LUZP2: variants seen among roughly 807,000 people sequenced by gnomAD.
LUZP2 encodes leucine zipper protein 2.
Under a neutral mutation model 51.6 loss-of-function variants are expected in LUZP2, and 52 were observed. The observed-to-expected ratio is 1.01, with a 90% CI of 0.81 to 1.27. The LOEUF is 1.27. LUZP2 is among the 50% of genes most tolerant of loss of function. The pLI is 0.00. For synonymous variants in LUZP2, 154 were observed against 137.3 expected, an observed-to-expected ratio of 1.12 and a Z score of -0.85; for missense variants, 436 against 395.4, an observed-to-expected ratio of 1.10 and a Z score of -0.87.
intron 1 of LUZP2, among the ~76,000 whole-genome samples, chr11:24,533,401 C>T (rs1339791590): frequency 1.3e-5 from 2 of 151,278 alleles, no homozygotes; most frequent in Non-Finnish European, 3.0e-5. Context: ...TTGATATTTT[C>T]ATATTCATTT....
At chr11:24,560,451 A>G (rs1193764546) in intron 1 of LUZP2, among the ~76,000 whole-genome samples, 1 of 152,180 alleles carries the variant, frequency 6.6e-6, no homozygotes, top group Non-Finnish European at 1.5e-5. Flanking sequence ...CATTAAAAGA[A>G]TAAAGAGGGT....
chr11:24,724,042 A>G (rs1858377844), intron 1 of LUZP2, among the ~76,000 whole-genome samples: 1 of 152,112 alleles, frequency 6.6e-6, no homozygotes, highest in South Asian at 2.1e-4. Flanking sequence ...GAGGAGGGTA[A>G]AGGTAATGAA....
intron 1 of LUZP2, among the ~76,000 whole-genome samples, chr11:24,505,848 A>G (rs1357229741): frequency 2.0e-5 from 3 of 152,098 alleles, no homozygotes; most frequent in African/African-American, 7.2e-5. Flanking sequence ...AGACAGTATT[A>G]CCTGACCTCG....
At chr11:24,706,491 C>A (rs984352355) in intron 1 of LUZP2, among the ~76,000 whole-genome samples, 1 of 152,212 alleles carries the variant, frequency 6.6e-6, no homozygotes, top group East Asian at 1.9e-4. Flanking sequence ...TTTTTCCAAC[C>A]AAATTCTGCA....
chr11:24,762,097 T>TA (rs71041802), intron 4 of LUZP2, among the ~76,000 whole-genome samples: 14 of 150,118 alleles, frequency 9.3e-5, no homozygotes, highest in South Asian at 4.2e-4. Context: ...TTTTACGTAT[T>TA]CTTGTTCTTT....
At chr11:24,526,685 C>T (rs377275289) in intron 1 of LUZP2, among the ~76,000 whole-genome samples, 11 of 151,228 alleles carry the variant, frequency 7.3e-5, no homozygotes, top group African/African-American at 1.9e-4. Context: ...TAAATGCTCA[C>T]GATTAACCTG....
intron 7 of LUZP2, among the ~76,000 whole-genome samples, chr11:24,936,859 G>T (rs1382109274): frequency 6.6e-6 from 1 of 152,042 alleles, no homozygotes; most frequent in Non-Finnish European, 1.5e-5. Context: ...CTCAACTCTT[G>T]TCAAGCTCAT....
chr11:24,659,909 GTTAGA>G (rs1459915636), intron 1 of LUZP2, among the ~76,000 whole-genome samples: 2 of 152,084 alleles, frequency 1.3e-5, no homozygotes, highest in Non-Finnish European at 2.9e-5. Flanking sequence ...ATTAGATTGT[GTTAGA>G]TTAGATTAGA....
rs371852653 is a variant in LUZP2, at chr11:24,965,265, A to G, written c.523-11326A>G. ...CATGTAATTCAAGTTTATGAATTGC[A>G]TACTAGATGTTTGATGAAATTCACC... On this transcript the variant is annotated intron_variant, in intron 7 of 11. Coordinates refer to ENST00000336930, the MANE Select transcript of LUZP2 (RefSeq NM_001009909.4). 1.2e-4 allele frequency among the ~76,000 whole-genome samples: 18 copies of G among 148,218 alleles called. No homozygotes were observed. In the East Asian group the frequency reaches 2.6e-3, roughly 21 times the overall value.
At chr11:24,962,875 T>C (rs1855457720) in intron 7 of LUZP2, among the ~76,000 whole-genome samples, 1 of 152,230 alleles carries the variant, frequency 6.6e-6, no homozygotes, top group Non-Finnish European at 1.5e-5. Flanking sequence ...GCTCTGTTTT[T>C]TCCCCATCTT....
intron 5 of LUZP2, among the ~76,000 whole-genome samples, chr11:24,833,268 A>C (rs150314447): frequency 4.6e-4 from 70 of 152,316 alleles, no homozygotes; most frequent in Non-Finnish European, 8.4e-4. Context: ...AATTTTTCAA[A>C]TTGGAGAACT....
chr11:24,993,762 TG>T (rs1344066482), intron 9 of LUZP2, among the ~76,000 whole-genome samples: 5 of 152,124 alleles, frequency 3.3e-5, no homozygotes, highest in African/African-American at 1.2e-4. Flanking sequence ...TCTTCCATTC[TG>T]GGGGTTGTAT....
intron 5 of LUZP2, among the ~76,000 whole-genome samples, chr11:24,801,148 G>C (rs1178190170): frequency 6.6e-6 from 1 of 152,094 alleles, no homozygotes; most frequent in East Asian, 1.9e-4. Flanking sequence ...GGATCCTGCT[G>C]AATCAACATA....
At chr11:24,998,276 T>C (rs561190763) in intron 9 of LUZP2, among the ~76,000 whole-genome samples, 57 of 152,328 alleles carry the variant, frequency 3.7e-4, no homozygotes, top group African/African-American at 1.3e-3. Context: ...TCCATTTGTT[T>C]GTATCCTCTT....
At chr11:24,753,695 G>A (rs1165038966) in intron 4 of LUZP2, among the ~76,000 whole-genome samples, 1 of 152,158 alleles carries the variant, frequency 6.6e-6, no homozygotes, top group South Asian at 2.1e-4. Flanking sequence ...ACATTTTTAA[G>A]TTCTTGTCCC....
intron 1 of LUZP2, among the ~76,000 whole-genome samples, chr11:24,680,735 AC>A (rs1489835730): frequency 6.6e-6 from 1 of 152,172 alleles, no homozygotes; most frequent in Non-Finnish European, 1.5e-5. Context: ...AATACTACTA[AC>A]AAATTCCTTA....
chr11:24,716,282 A>G (rs1392541533), intron 1 of LUZP2, among the ~76,000 whole-genome samples: 3 of 152,210 alleles, frequency 2.0e-5, no homozygotes, highest in Non-Finnish European at 4.4e-5. Flanking sequence ...GCACTACTCC[A>G]GAGCTTTGAA....
intron 7 of LUZP2, among the ~76,000 whole-genome samples, chr11:24,945,162 G>A (rs1007297638): frequency 5.3e-5 from 8 of 152,024 alleles, no homozygotes; most frequent in African/African-American, 1.9e-4. Flanking sequence ...CAATATAATT[G>A]GATGTCAAAA....
intron 9 of LUZP2, among the ~76,000 whole-genome samples, chr11:24,997,954 G>C (rs1221856632): frequency 6.6e-6 from 1 of 152,092 alleles, no homozygotes; most frequent in African/African-American, 2.4e-5. Context: ...ATTTCTGAGG[G>C]CTCTGTTCTG....
Sources: gnomAD v4.1 joint callset for allele counts (sites outside exome capture counted in the v4.1 genomes callset) on GRCh38, gnomAD v4.1.1 for gene constraint, MANE v1.5 for transcripts, NCBI Gene and HGNC (gene_info 2026-07-23, HGNC 2026-07-21) for gene names.